TECRL: variants seen among roughly 807,000 people sequenced by gnomAD.
The protein encoded by TECRL is trans-2,3-enoyl-CoA reductase-like.
A neutral mutation model predicts 52.8 loss-of-function variants in TECRL; 63 were observed. The observed-to-expected ratio is 1.19, with a 90% CI of 0.97 to 1.47. The LOEUF (loss-of-function observed/expected upper bound fraction) is 1.47, where lower values mean the gene tolerates loss of function less well. TECRL is among the 40% of genes most tolerant of loss of function. The pLI is 0.00. For synonymous variants in TECRL, 164 were observed against 141.9 expected (o/e 1.16, Z -1.10); for missense variants, 482 against 429.6 (o/e 1.12, Z -1.08).
chr4:64,339,233 T>A (rs1306064595), intron 2 of TECRL, among the ~76,000 whole-genome samples: 1 of 130,188 alleles, frequency 7.7e-6, no homozygotes, highest in Admixed American at 9.7e-5. Flanking sequence ...AATTGAACAA[T>A]GAGAACACTT....
intron 1 of TECRL, 76 bp from the exon 2 acceptor site, chr4:64,375,299 T>G (rs1368171049): frequency 1.4e-6 from 1 of 730,202 alleles, no homozygotes; most frequent in Non-Finnish European, 2.1e-6. Flanking sequence ...AAAAAAAGTT[T>G]AAATATATCA....
At chr4:64,398,669 C>T (rs1724137362) in intron 1 of TECRL, among the ~76,000 whole-genome samples, 1 of 152,086 alleles carries the variant, frequency 6.6e-6, no homozygotes, top group Non-Finnish European at 1.5e-5. Context: ...TTTTTTATAG[C>T]AATGTGAGAA....
At chr4:64,399,795 A>G (rs2109776044) in intron 1 of TECRL, among the ~76,000 whole-genome samples, 1 of 152,270 alleles carries the variant, frequency 6.6e-6, no homozygotes, top group East Asian at 1.9e-4. Flanking sequence ...GATATATGAA[A>G]AAGCCTGGGT....
At chr4:64,370,890 T>C (rs1006513828) in intron 2 of TECRL, among the ~76,000 whole-genome samples, 13 of 152,034 alleles carry the variant, frequency 8.6e-5, no homozygotes, top group African/African-American at 2.9e-4. Context: ...GTACATTTTG[T>C]ATGAGCTTTG....
chr4:64,341,169 T>C (rs769641325), intron 2 of TECRL, among the ~76,000 whole-genome samples: 3 of 152,176 alleles, frequency 2.0e-5, no homozygotes, highest in Non-Finnish European at 4.4e-5. Context: ...ATAGGTTTTC[T>C]CTGAGCTGTT....
At chr4:64,336,769 A>C (rs966090509) in intron 2 of TECRL, among the ~76,000 whole-genome samples, 3 of 152,172 alleles carry the variant, frequency 2.0e-5, no homozygotes, top group African/African-American at 7.2e-5. Context: ...TTATGTACCC[A>C]GTAGTCATTG....
chr4:64,360,589 C>A (rs1721107200), intron 2 of TECRL, among the ~76,000 whole-genome samples: 1 of 152,066 alleles, frequency 6.6e-6, no homozygotes, highest in Admixed American at 6.6e-5. Context: ...ACCAGACCAT[C>A]AAGTAGATTA....
intron 2 of TECRL, among the ~76,000 whole-genome samples, chr4:64,344,974 C>T (rs1365962250): frequency 6.6e-6 from 1 of 152,092 alleles, no homozygotes; most frequent in African/African-American, 2.4e-5. Flanking sequence ...GTTTTCTGGC[C>T]ATCAGAGAAA....
chr4:64,353,413 G>A (rs371926979), intron 2 of TECRL, among the ~76,000 whole-genome samples: 2 of 152,056 alleles, frequency 1.3e-5, no homozygotes, highest in African/African-American at 4.8e-5. Flanking sequence ...CAGATTAAAA[G>A]GTATAAAGAC....
intron 3 of TECRL, among the ~76,000 whole-genome samples, chr4:64,327,713 C>A (rs547233776): frequency 1.3e-5 from 2 of 151,988 alleles, no homozygotes; most frequent in South Asian, 2.1e-4. Context: ...TGAAAACACT[C>A]GTAACAGTTT....
intron 2 of TECRL, among the ~76,000 whole-genome samples, chr4:64,361,069 C>T (rs1721154950): frequency 3.5e-5 from 1 of 28,886 alleles, no homozygotes; most frequent in East Asian, 0.017. Flanking sequence ...CTGATCTAAG[C>T]AGCCCTTTGT....
At chr4:64,334,522 G>C (rs750396392) in intron 2 of TECRL, among the ~76,000 whole-genome samples, 2 of 152,172 alleles carry the variant, frequency 1.3e-5, no homozygotes, top group African/African-American at 2.4e-5. Flanking sequence ...ACAACTAAAA[G>C]TGTTTAACAC....
At chr4:64,348,056 A>T (rs1248705396) in intron 2 of TECRL, among the ~76,000 whole-genome samples, 1 of 152,106 alleles carries the variant, frequency 6.6e-6, no homozygotes, top group Non-Finnish European at 1.5e-5. Flanking sequence ...TTATGTTTAT[A>T]GCAGTGCCCC....
chr4:64,352,103 T>C (rs1552212), intron 2 of TECRL, among the ~76,000 whole-genome samples: 102,122 of 151,962 alleles, frequency 0.67, 35,446 homozygotes, highest in Non-Finnish European at 0.76. Context: ...AAAGAAATAT[T>C]GATGAATGGT....
intron 5 of TECRL, among the ~76,000 whole-genome samples, chr4:64,313,806 A>G (rs1431245848): frequency 6.7e-6 from 1 of 150,360 alleles, no homozygotes; most frequent in African/African-American, 2.4e-5. Flanking sequence ...GTCATACTTC[A>G]AAATGGTATT....
intron 1 of TECRL, among the ~76,000 whole-genome samples, chr4:64,398,365 G>A (rs1724110577): frequency 6.6e-6 from 1 of 152,156 alleles, no homozygotes; most frequent in African/African-American, 2.4e-5. Flanking sequence ...AATGAATCAT[G>A]GGGTCAGATT....
At chr4:64,357,636 T>G (rs1026471331) in intron 2 of TECRL, among the ~76,000 whole-genome samples, 1 of 151,546 alleles carries the variant, frequency 6.6e-6, no homozygotes, top group Non-Finnish European at 1.5e-5. Context: ...TATGAGAATT[T>G]TATTCATTCT....
chr4:64,389,817 C>G (rs1489109478), intron 1 of TECRL, among the ~76,000 whole-genome samples: 1 of 151,648 alleles, frequency 6.6e-6, no homozygotes, highest in Non-Finnish European at 1.5e-5. Flanking sequence ...TTAAATTGTT[C>G]TTGGAAACTG....
intron 1 of TECRL, among the ~76,000 whole-genome samples, chr4:64,378,356 A>C (rs990540702): frequency 2.6e-5 from 4 of 152,080 alleles, no homozygotes; most frequent in African/African-American, 9.7e-5. Flanking sequence ...ACTTGAGCCC[A>C]GGGCTTCAAG....
Sources: gnomAD v4.1 joint callset for allele counts (sites outside exome capture counted in the v4.1 genomes callset) on GRCh38, gnomAD v4.1.1 for gene constraint, MANE v1.5 for transcripts, NCBI Gene and HGNC (gene_info 2026-07-23, HGNC 2026-07-21) for gene names.